MAB21L4: variants seen among roughly 807,000 people sequenced by gnomAD.
MAB21L4 encodes mab-21 like 4, also known as protein mab-21-like 4.
MAB21L4 carries 25 observed loss-of-function variants against 32.4 expected under a neutral mutation model. The observed-to-expected ratio is 0.77, with a 90% confidence interval of 0.56 to 1.08. The LOEUF (loss-of-function observed/expected upper bound fraction) is 1.08. Ranked by LOEUF, MAB21L4 falls within the 50% of genes least tolerant of loss-of-function variation. MAB21L4 has a pLI of 0.00. For missense variants in MAB21L4, 638 were observed against 611.0 expected (o/e 1.04, Z -0.47); for synonymous variants, 280 against 276.8 (o/e 1.01, Z -0.11).
chr2:240,895,715 C>T lies in MAB21L4; in HGVS notation c.283G>A (p.Glu95Lys). Residue 95 changes from glutamate (E) to lysine (K), a missense_variant, in exon 1 of 5, where the codon GAG (glutamate) becomes AAG (lysine). Coordinates refer to ENST00000388934, the MANE Select transcript of MAB21L4 (RefSeq NM_001085437.3). ...LWVDAEALLI[E>K]EPEATQPEDG... ...TCCGGCTGGGTGGCCTCTGGTTCCT[C>T]AATCAGTAGAGCCTCGGCATCCACC... 1 of 1,612,950 alleles carries T rather than the reference C, an allele frequency of 6.2e-7. No individual in the cohort carries two copies. Among genetic ancestry groups the T allele is most frequent in the African/African-American group, 1.3e-5 (1 of 75,064 alleles).
In MAB21L4 at chr2:240,888,588, C is replaced by T. The variant is rs1340825037; in HGVS notation, c.955G>A (p.Gly319Ser). 1 of 1,606,978 alleles carries T rather than the reference C, an allele frequency of 6.2e-7. No individual in the cohort carries two copies. The highest frequency in any genetic ancestry group is 8.5e-7 in the Non-Finnish European group (1 of 1,177,852). ...LAPEDWAELQ[G>S]AVYRLLVVLL... The stretch of plus-strand genomic sequence containing the variant: ...ACCACCAGCAGGCGGTACACGGCGC[C>T]CTGCAGTTCTGCCCAGTCCTCGGGC... Residue 319 changes from glycine (G) to serine (S), a missense_variant, in exon 4 of 5, where the codon GGC becomes AGC. Physicochemically the swap from Gly to Ser is moderately conservative, Grantham distance 56. Transcript: ENST00000388934.
intron 4 of MAB21L4, 53 bp from the exon 5 acceptor site, chr2:240,887,215 A>C: frequency 6.8e-7 from 1 of 1,468,972 alleles, no homozygotes; most frequent in Non-Finnish European, 9.5e-7. Flanking sequence ...GGAGCCCATG[A>C]TAAGCTCTCA....
rs1242950496 is a variant in MAB21L4, at chr2:240,887,083, C to T, written c.1331G>A (p.Gly444Asp). ...AGGTGGCCCAGCTCAGCTCTCCTCGCCTCCCAGAGTCCTGGTCTTCTGGAA... is the reference window on the plus strand; with the variant it reads ...AGGTGGCCCAGCTCAGCTCTCCTCGTCTCCCAGAGTCCTGGTCTTCTGGAA... ...SIFQKTRTLG[G>D]EES is the part of the protein sequence containing the mutation. The change falls in exon 5 of 5, where the codon GGC (glycine) becomes GAC (aspartate). Residue 444 changes from glycine (G) to aspartate (D), a missense_variant. Transcript: ENST00000388934. The T allele has an allele frequency of 4.3e-6, 7 of 1,613,902 alleles. No homozygotes were observed. The highest frequency in any genetic ancestry group is 1.3e-5 in the African/African-American group (1 of 74,922).
chr2:240,892,073 A>G, intron 1 of MAB21L4: 1 of 1,443,592 alleles, frequency 6.9e-7, no homozygotes, highest in Non-Finnish European at 9.1e-7. Context: ...TTCCTTTGCC[A>G]GGCACCACCC....
At chr2:240,889,983 C>A in intron 3 of MAB21L4, 22 bp downstream of exon 3, 1 of 1,589,796 alleles carries the variant, frequency 6.3e-7, no homozygotes, top group South Asian at 1.1e-5. Flanking sequence ...ACAGACAACC[C>A]GCCGAGTCCC....
intron 3 of MAB21L4, among the ~76,000 whole-genome samples, chr2:240,888,899 A>G (rs1242062007): frequency 7.6e-6 from 1 of 130,768 alleles, no homozygotes; most frequent in Non-Finnish European, 1.6e-5. Context: ...CTCGCACCCC[A>G]CCCCAGCTCC....
chr2:240,891,294 A>G (rs2059146926), intron 2 of MAB21L4, among the ~76,000 whole-genome samples: 3 of 152,180 alleles, frequency 2.0e-5, no homozygotes, highest in Admixed American at 1.3e-4. Flanking sequence ...GCCATCCACA[A>G]TTCCAGGTCT....
In MAB21L4 at chr2:240,888,372, C is replaced by T. The variant is rs761572168; in HGVS notation, c.1171G>A (p.Gly391Arg). Residue 391 changes from glycine (G) to arginine (R), a missense_variant, in exon 4 of 5, where the codon GGG becomes AGG. Coordinates refer to ENST00000388934, the MANE Select transcript of MAB21L4 (RefSeq NM_001085437.3). ...GGCAGCTGCAGGAGCGCCTTGAGCC[C>T]GGAGCCGATGCGCGGCGGGGGGCTG... Reference protein sequence around the residue: ...GRSPPPRIGSGLKALLQLPAS... With the variant: ...GRSPPPRIGSRLKALLQLPAS... The T allele has an allele frequency of 9.6e-6, 15 of 1,569,612 alleles. No homozygotes were observed. The highest frequency in any genetic ancestry group is 2.3e-5 in the South Asian group (2 of 85,468).
intron 1 of MAB21L4, among the ~76,000 whole-genome samples, chr2:240,892,330 T>C (rs1196243990): frequency 1.3e-5 from 2 of 151,606 alleles, no homozygotes; most frequent in Admixed American, 6.6e-5. Context: ...TCCCCAGAAC[T>C]CACCTCCTCC....
Position 240,888,394 on chromosome 2 carries a change from G to C in MAB21L4, c.1149C>G (p.Ser383Arg), listed in dbSNP as rs749259156. Residue 383 changes from serine to arginine, a missense_variant, in exon 4 of 5, where the codon AGC (serine) becomes AGG (arginine). Ser to Arg is a moderately radical substitution (Grantham distance 110). Transcript: ENST00000388934. ...GCCCGGAGCCGATGCGCGGCGGGGG[G>C]CTGCGGCCCAGGTGGGTGGCGTGGA... ...LRIHATHLGR[S>R]PPPRIGSGLK... 2 of 1,557,694 alleles carry C rather than the reference G, an allele frequency of 1.3e-6. No homozygotes were observed. Among genetic ancestry groups the C allele is most frequent in the Non-Finnish European group, 1.7e-6 (2 of 1,155,002 alleles).
rs940859372 is a variant in MAB21L4 at position 240,895,657 on chromosome 2, G to T, written c.341C>A (p.Pro114His). The T allele has an allele frequency of 1.2e-6, 2 of 1,612,960 alleles. No homozygotes were observed. Among genetic ancestry groups the T allele is most frequent in the East Asian group, 4.5e-5 (2 of 44,874 alleles). Residue 114 changes from proline to histidine, a missense_variant, in exon 1 of 5, where the codon CCC becomes CAC. By Grantham distance (77) the Pro-to-His change is moderately conservative. Coordinates refer to ENST00000388934, the MANE Select transcript of MAB21L4 (RefSeq NM_001085437.3). The stretch of plus-strand genomic sequence containing the variant: ...CCGCTCCAGGCCAGCCCCTTCCCTG[G>T]GCACACCCAGGTGGCATAATTCAAG... ...DGLELCHLGV[P>H]REGAGLERWT...
chr2:240,889,305 G>A (rs1041788755), intron 3 of MAB21L4, among the ~76,000 whole-genome samples: 1 of 152,220 alleles, frequency 6.6e-6, no homozygotes, highest in African/African-American at 2.4e-5. Flanking sequence ...GGCATGGCCA[G>A]AGGTCACCTA....
At chr2:240,890,259 G>T in intron 2 of MAB21L4, 101 bp from the exon 3 acceptor site, 2 of 1,407,192 alleles carry the variant, frequency 1.4e-6, no homozygotes, top group South Asian at 1.4e-5. Context: ...CCAGGGTCGT[G>T]CTGTGCTGCG....
rs746443176 is a variant in MAB21L4, at chr2:240,887,023, G to C, written c.*47C>G. On this transcript the variant is annotated 3_prime_UTR_variant, in exon 5 of 5. Coordinates refer to ENST00000388934, the MANE Select transcript of MAB21L4 (RefSeq NM_001085437.3). ...GGAGCCTCCCATGGTGCAGTGCAGA[G>C]TCTGTTGGGGAGCCAAGAACAGGTG... The C allele has an allele frequency of 7.0e-7, 1 of 1,435,830 alleles. No homozygotes were observed. Among genetic ancestry groups the C allele is most frequent in the Non-Finnish European group, 9.8e-7 (1 of 1,018,548 alleles). The allele number at this position is 1,435,830 out of a possible 1,614,324, so 88.9% of individuals were successfully genotyped here. A position where few individuals can be genotyped will look rare whatever the true frequency, so the allele number is the denominator to read the frequency against.
Position 240,888,594 on chromosome 2 carries a change from G to A in MAB21L4, c.949C>T (p.Leu317=). The A allele has an allele frequency of 1.9e-6, 3 of 1,605,006 alleles. No homozygotes were observed. Among genetic ancestry groups the A allele is most frequent in the Non-Finnish European group, 1.7e-6 (2 of 1,176,552 alleles). ...AGCAGGCGGTACACGGCGCCCTGCAGTTCTGCCCAGTCCTCGGGCGCCAGG... is the reference window on the plus strand; with the variant it reads ...AGCAGGCGGTACACGGCGCCCTGCAATTCTGCCCAGTCCTCGGGCGCCAGG... ...LFLAPEDWAE[L]QGAVYRLLVV... The change falls in exon 4 of 5, where the codon CTG becomes TTG. Residue 317 remains leucine, a synonymous_variant. Transcript: ENST00000388934.
Position 240,890,119 on chromosome 2 carries a change from C to T in MAB21L4, c.780G>A (p.Glu260=). 1 of 1,611,686 alleles carries T rather than the reference C, an allele frequency of 6.2e-7. No homozygotes were observed. Among genetic ancestry groups the T allele is most frequent in the South Asian group, 1.1e-5 (1 of 90,998 alleles). The change falls in exon 3 of 5, where the codon GAG becomes GAA. Residue 260 remains glutamate (E), a synonymous_variant. Transcript: ENST00000388934. ...GGCGATGACCCTGCAGGGAGCCCAG[C>T]TCCCCCAGCAGCCTCGTGAGCAGGT... is the stretch of plus-strand genomic sequence containing the variant. The part of the protein sequence containing the change: ...TDYLLTRLLG[E]LGSLQGHRLD...
chr2:240,892,455 G>A (rs2106440282), intron 1 of MAB21L4, among the ~76,000 whole-genome samples: 2 of 151,434 alleles, frequency 1.3e-5, no homozygotes, highest in Admixed American at 1.3e-4. Flanking sequence ...TAGGGGACCA[G>A]TCTACATGAT....
chr2:240,895,317 C>T (rs959269373), intron 1 of MAB21L4, among the ~76,000 whole-genome samples, 167 bp downstream of exon 1: 3 of 152,268 alleles, frequency 2.0e-5, no homozygotes, highest in Non-Finnish European at 2.9e-5. Context: ...GTGTCACACA[C>T]GTGCACACAT....
Position 240,887,168 on chromosome 2 carries a change from G to T in MAB21L4, c.1252-6C>A. 1 of 1,612,856 alleles carries T rather than the reference G, an allele frequency of 6.2e-7. No homozygotes were observed. Among genetic ancestry groups the T allele is most frequent in the Non-Finnish European group, 8.5e-7 (1 of 1,178,846 alleles). ...TGGATGTTGAAGACCTGGAACTACA[G>T]GCAGGGTTGCAGGGGAGAAGGGTTA... On this transcript the variant is annotated splice_region_variant and splice_polypyrimidine_tract_variant and intron_variant, in intron 4 of 4. Transcript: ENST00000388934.
Sources: allele counts gnomAD v4.1 joint callset (sites outside exome capture counted in the v4.1 genomes callset), GRCh38; gene constraint gnomAD v4.1.1; transcripts MANE v1.5; gene names NCBI Gene and HGNC (gene_info 2026-07-23, HGNC 2026-07-21).